Variants in SEPSECS observed in about 807,000 individuals in gnomAD.
SEPSECS encodes the protein O-phosphoseryl-tRNA(Sec) selenium transferase.
Under a neutral mutation model 52.1 loss-of-function variants are expected in SEPSECS, and 42 were observed. The observed-to-expected ratio is 0.81, with a 90% CI of 0.63 to 1.04. The LOEUF (loss-of-function observed/expected upper bound fraction) is 1.04. Among genes scored for constraint, SEPSECS ranks in the 50% least tolerant of loss-of-function variants. SEPSECS has a pLI of 0.00. For synonymous variants in SEPSECS, 216 were observed against 211.4 expected, an observed-to-expected ratio of 1.02 and a Z score of -0.19; for missense variants, 590 against 610.6, an observed-to-expected ratio of 0.97 and a Z score of 0.36.
chr4:25,152,755 T>C (rs1177648554), intron 5 of SEPSECS, among the ~76,000 whole-genome samples: 1 of 152,100 alleles, frequency 6.6e-6, no homozygotes, highest in Middle Eastern at 3.4e-3. Flanking sequence ...GCATAATAAA[T>C]AGATGTTCTT....
At chr4:25,135,577 T>C (rs1728811551) in intron 8 of SEPSECS, among the ~76,000 whole-genome samples, 1 of 152,026 alleles carries the variant, frequency 6.6e-6, no homozygotes, top group South Asian at 2.1e-4. Flanking sequence ...ATTAATAGCC[T>C]ACCAACCAAA....
At chr4:25,140,595 T>C (rs1328527264) in intron 8 of SEPSECS, among the ~76,000 whole-genome samples, 1 of 152,232 alleles carries the variant, frequency 6.6e-6, no homozygotes, top group Non-Finnish European at 1.5e-5. Context: ...AAGGATTAAA[T>C]GTATACATAA....
chr4:25,142,417 T>A (rs1322028689), intron 8 of SEPSECS, among the ~76,000 whole-genome samples: 1 of 152,246 alleles, frequency 6.6e-6, no homozygotes, highest in Non-Finnish European at 1.5e-5. Context: ...GCAAACTTTG[T>A]AATTTCTATA....
At chr4:25,132,563 A>G (rs1368998757) in intron 8 of SEPSECS, among the ~76,000 whole-genome samples, 1 of 152,270 alleles carries the variant, frequency 6.6e-6, no homozygotes, top group East Asian at 1.9e-4. Context: ...TTTTCAACAG[A>G]GAAACCTGCC....
intron 6 of SEPSECS, among the ~76,000 whole-genome samples, chr4:25,148,605 T>A (rs1577622576): frequency 6.6e-6 from 1 of 152,224 alleles, no homozygotes; most frequent in South Asian, 2.1e-4. Context: ...TTGCTTTTTT[T>A]GTTTTAAAGA....
chr4:25,156,707 CAAAAAAAAAAAAAAAAAA>C (rs34542574), intron 3 of SEPSECS, 131 bp downstream of exon 3: 28 of 229,662 alleles, frequency 1.2e-4, no homozygotes, highest in Non-Finnish European at 1.9e-4. Context: ...GACTCCGTCT[CAAAAAAAAAAAAAAAAAA>C]AAAAAAAAAA....
intron 6 of SEPSECS, among the ~76,000 whole-genome samples, chr4:25,146,129 C>T (rs768286626): frequency 6.6e-6 from 1 of 152,194 alleles, no homozygotes; most frequent in Non-Finnish European, 1.5e-5. Context: ...TAAATTACAA[C>T]TAACATAGTC....
chr4:25,148,038 G>A (rs560192512), intron 6 of SEPSECS, among the ~76,000 whole-genome samples: 24 of 152,210 alleles, frequency 1.6e-4, no homozygotes, highest in African/African-American at 5.8e-4. Context: ...AAATTGTCAG[G>A]ATTCAGCTGA....
intron 4 of SEPSECS, 76 bp downstream of exon 4, chr4:25,155,961 T>C (rs913835380): frequency 3.7e-6 from 5 of 1,358,394 alleles, no homozygotes; most frequent in Non-Finnish European, 5.2e-6. Context: ...TTATTTTTCA[T>C]TTATCTATCT....
rs1424858281 is a variant in SEPSECS, at chr4:25,156,143, A to C, written c.441T>G (p.Ser147Arg). The C allele has an allele frequency of 6.8e-6, 11 of 1,614,050 alleles. No homozygotes were observed. The highest frequency in any genetic ancestry group is 7.6e-6 in the Non-Finnish European group (9 of 1,179,950). Residue 147 changes from serine (S) to arginine (R), a missense_variant, in exon 4 of 11, where the codon AGT (serine) becomes AGG (arginine). Physicochemically the swap from Ser to Arg is moderately radical, Grantham distance 110. Transcript: ENST00000382103. The stretch of plus-strand genomic sequence containing the variant: ...GTAATGTTAAGAAACACAGAGTTAG[A>C]CTCATACCAGTTGCCATAGGAACTA... ...CFVVPMATGM[S>R]LTLCFLTLRH...
At position 25,122,198 on chromosome 4, in the gene SEPSECS, A is replaced by G. The variant is rs1440968778; in HGVS notation, c.*1733T>C. ...CCAAAGATAAAATAAATACATTTTT[A>G]AATAACCTTCATGATATTCATAGTT... On this transcript the variant is annotated 3_prime_UTR_variant, in exon 11 of 11. Coordinates refer to ENST00000382103, the MANE Select transcript of SEPSECS (RefSeq NM_016955.4). The G allele has an allele frequency of 6.6e-6, 1 of 152,168 alleles. No homozygotes were observed. The highest frequency in any genetic ancestry group is 1.5e-5 in the Non-Finnish European group (1 of 68,006). The allele number at this position is 152,168 out of a possible 1,614,324, so 9.4% of individuals were successfully genotyped here.
intron 8 of SEPSECS, among the ~76,000 whole-genome samples, chr4:25,139,169 T>C (rs1251551931): frequency 6.6e-6 from 1 of 152,194 alleles, no homozygotes; most frequent in Non-Finnish European, 1.5e-5. Context: ...GATTTGTAAC[T>C]ATTTAATATC....
intron 10 of SEPSECS, chr4:25,125,165 C>T (rs1167663712): frequency 1.3e-5 from 2 of 152,316 alleles, no homozygotes; most frequent in Non-Finnish European, 2.9e-5. Flanking sequence ...TATTTCTTTT[C>T]AAGTCATTTT....
intron 8 of SEPSECS, among the ~76,000 whole-genome samples, chr4:25,142,496 T>C (rs541820647): frequency 6.6e-6 from 1 of 152,248 alleles, no homozygotes; most frequent in East Asian, 1.9e-4. Flanking sequence ...AGTATCTTTA[T>C]CTACTGTATT....
At chr4:25,132,036 G>A (rs1728630103) in intron 8 of SEPSECS, among the ~76,000 whole-genome samples, 1 of 152,024 alleles carries the variant, frequency 6.6e-6, no homozygotes, top group African/African-American at 2.4e-5. Context: ...CCTCAATGAA[G>A]CAAATGTGTT....
At chr4:25,160,187 G>A (rs1352578327) in intron 1 of SEPSECS, 69 bp downstream of exon 1, 4 of 1,542,248 alleles carry the variant, frequency 2.6e-6, no homozygotes, top group Non-Finnish European at 2.6e-6. Context: ...GGCAGCACCA[G>A]CGGGGACGCC....
At chr4:25,160,544 C>T (rs560422947), upstream of SEPSECS, 5 of 546,632 alleles carry the variant, frequency 9.1e-6, no homozygotes, top group Non-Finnish European at 1.6e-5. Flanking sequence ...CATGCGCAGA[C>T]CTTCTCAGAT....
chr4:25,144,847 G>C lies in SEPSECS; in HGVS notation c.953C>G (p.Pro318Arg), dbSNP rs1387186817. 1.2e-6 allele frequency: 2 copies of C among 1,612,916 alleles called. No homozygotes were observed. The highest frequency in any genetic ancestry group is 3.3e-5 in the Admixed American group (2 of 60,000). The change falls in exon 8 of 11, where the codon CCT becomes CGT. Residue 318 changes from proline to arginine, a missense_variant. Coordinates refer to ENST00000382103, the MANE Select transcript of SEPSECS (RefSeq NM_016955.4). Reference protein sequence around the residue: ...KMYPGRASASPSLDVLITLLS... With the variant: ...KMYPGRASASRSLDVLITLLS... ...TAAAGTAATAAGGACATCTAAAGAAGGTGAAGCTGAAGCTCTTCCTGAAAT... is the reference window on the plus strand; with the variant it reads ...TAAAGTAATAAGGACATCTAAAGAACGTGAAGCTGAAGCTCTTCCTGAAAT...
chr4:25,158,878 A>G, intron 2 of SEPSECS, 75 bp downstream of exon 2: 1 of 1,387,820 alleles, frequency 7.2e-7, no homozygotes. Context: ...ATCTAATAAG[A>G]TAAATACTGC....
Sources: gnomAD v4.1 joint callset for allele counts (sites outside exome capture counted in the v4.1 genomes callset) on GRCh38, gnomAD v4.1.1 for gene constraint, MANE v1.5 for transcripts, NCBI Gene and HGNC (gene_info 2026-07-23, HGNC 2026-07-21) for gene names.